Variants in BAZ2B observed in about 807,000 individuals in gnomAD.
The protein encoded by BAZ2B is bromodomain adjacent to zinc finger domain protein 2B.
A neutral mutation model predicts 246.0 loss-of-function variants in BAZ2B; 91 were observed. The observed-to-expected ratio is 0.37, with a 90% confidence interval of 0.31 to 0.44. The LOEUF (loss-of-function observed/expected upper bound fraction) is 0.44, where lower values mean the gene tolerates loss of function less well. BAZ2B is among the 20% of genes least tolerant of loss of function. The pLI, the probability that BAZ2B is intolerant of heterozygous loss-of-function variation, is 1.00. For synonymous variants in BAZ2B, 855 were observed against 860.0 expected (o/e 0.99, Z 0.10); for missense variants, 2,332 against 2,533.7 (o/e 0.92, Z 1.71).
intron 13 of BAZ2B, among the ~76,000 whole-genome samples, chr2:159,427,460 CA>C (rs908839055): frequency 4.0e-5 from 6 of 150,824 alleles, no homozygotes; most frequent in South Asian, 2.1e-4. Context: ...TAAGAAATGA[CA>C]AAAAAAAACT....
chr2:159,496,512 C>G (rs951987447), intron 2 of BAZ2B, among the ~76,000 whole-genome samples: 1 of 138,540 alleles, frequency 7.2e-6, no homozygotes, highest in South Asian at 2.3e-4. Flanking sequence ...AAGCCAGCCA[C>G]GGTGGCTCAT....
intron 36 of BAZ2B, 123 bp from the exon 37 acceptor site, chr2:159,320,541 T>C (rs1304894249): frequency 5.4e-6 from 4 of 747,180 alleles, no homozygotes; most frequent in African/African-American, 1.9e-5. Flanking sequence ...TTTAAATTGA[T>C]ATAAAATACA....
At chr2:159,657,322 T>G in the BAZ2B span, among the ~76,000 whole-genome samples, 1 of 152,210 alleles carries the variant, frequency 6.6e-6, no homozygotes, top group Non-Finnish European at 1.5e-5. Flanking sequence ...TTCTGTGTTC[T>G]GTATCAATTT....
chr2:159,525,870 G>C (rs759057506), intron 2 of BAZ2B, among the ~76,000 whole-genome samples: 12 of 152,152 alleles, frequency 7.9e-5, no homozygotes, highest in Non-Finnish European at 1.3e-4. Flanking sequence ...ACCACACTAA[G>C]TGTTTGATTT....
At chr2:159,463,140 T>C (rs2076614026) in intron 3 of BAZ2B, 8 of 647,710 alleles carry the variant, frequency 1.2e-5, no homozygotes, top group Admixed American at 6.7e-5. Context: ...CATTATTACA[T>C]AGTAGCCGAA....
At chr2:159,572,245 T>C (rs1578495884) in intron 1 of BAZ2B, among the ~76,000 whole-genome samples, 1 of 152,192 alleles carries the variant, frequency 6.6e-6, no homozygotes, top group East Asian at 1.9e-4. Context: ...AACTGATAAG[T>C]ATAGCACTTT....
chr2:159,705,015 T>G, the BAZ2B span, among the ~76,000 whole-genome samples: 80 of 149,664 alleles, frequency 5.3e-4, 1 homozygote, highest in Non-Finnish European at 2.4e-4. Flanking sequence ...CTTTTTTGGT[T>G]TGTTTTTTTT....
chr2:159,641,398 G>A, the BAZ2B span, among the ~76,000 whole-genome samples: 3 of 151,978 alleles, frequency 2.0e-5, no homozygotes, highest in Admixed American at 6.6e-5. Flanking sequence ...TCCTTTGCCC[G>A]CTTTTTAGTG....
At chr2:159,327,637 A>G (rs76846079) in intron 34 of BAZ2B, among the ~76,000 whole-genome samples, 6,753 of 152,324 alleles carry the variant, frequency 0.044, 286 homozygotes, top group East Asian at 0.13. Flanking sequence ...ATTTAATGAC[A>G]AGTTAGATTA....
intron 14 of BAZ2B, chr2:159,411,933 AT>A (rs1002328042): frequency 2.0e-6 from 2 of 985,250 alleles, no homozygotes; most frequent in African/African-American, 3.5e-5. Context: ...CTGACTGAAA[AT>A]TTACTCCACA....
intron 20 of BAZ2B, among the ~76,000 whole-genome samples, chr2:159,389,766 TTAAA>T (rs2063107200): frequency 6.6e-6 from 1 of 152,180 alleles, no homozygotes; most frequent in African/African-American, 2.4e-5. Flanking sequence ...ACATATCTTA[TTAAA>T]TAAAGTTATT....
intron 1 of BAZ2B, among the ~76,000 whole-genome samples, chr2:159,612,549 C>T (rs78786041): frequency 3.3e-5 from 5 of 152,038 alleles, no homozygotes; most frequent in Non-Finnish European, 7.4e-5. Context: ...ACCTTTAAAC[C>T]TAAAAGTAAT....
At chr2:159,428,507 C>A in intron 11 of BAZ2B, 88 bp from the exon 12 acceptor site, 1 of 888,874 alleles carries the variant, frequency 1.1e-6, no homozygotes, top group Non-Finnish European at 1.7e-6. Flanking sequence ...TACATGTTCT[C>A]TAGAAAACAT....
chr2:159,595,545 A>AT (rs1690495950), intron 1 of BAZ2B, among the ~76,000 whole-genome samples: 1 of 152,208 alleles, frequency 6.6e-6, no homozygotes, highest in Admixed American at 6.5e-5. Context: ...GTCTGCTAAA[A>AT]TGCTGGTATA....
At chr2:159,469,273 T>C (rs1159964623) in intron 3 of BAZ2B, among the ~76,000 whole-genome samples, 2 of 152,010 alleles carry the variant, frequency 1.3e-5, no homozygotes, top group Non-Finnish European at 2.9e-5. Context: ...CTACCAATCA[T>C]ACAGACATTA....
the BAZ2B span, chr2:159,690,031 G>A: frequency 2.4e-6 from 1 of 419,296 alleles, no homozygotes; most frequent in South Asian, 3.3e-5. Flanking sequence ...CATGGAAGTT[G>A]GGCAGTTTTT....
In BAZ2B at chr2:159,394,723, A is replaced by G. The variant is rs141067099; in HGVS notation, c.3075+1046T>C. Reference sequence around the variant, plus strand: ...CCAGGCACTGTTCCAAGAACTTTACATACACAGAGACACATATCCATTTAC... The same window carrying G: ...CCAGGCACTGTTCCAAGAACTTTACGTACACAGAGACACATATCCATTTAC... On this transcript the variant is annotated intron_variant, in intron 20 of 36. Coordinates refer to ENST00000392783, the MANE Select transcript of BAZ2B (RefSeq NM_013450.4). 2.4e-3 allele frequency among the ~76,000 whole-genome samples: 367 copies of G among 152,312 alleles called. 1 individual carries two copies. The highest frequency in any genetic ancestry group is 8.4e-3 in the African/African-American group (351 of 41,576).
chr2:159,486,559 C>A (rs2079852203), intron 2 of BAZ2B, among the ~76,000 whole-genome samples: 1 of 150,686 alleles, frequency 6.6e-6, no homozygotes, highest in East Asian at 1.9e-4. Context: ...GTTGTGAATA[C>A]CGTGAAAAAA....
At chr2:159,331,671 C>T (rs1353166219) in intron 34 of BAZ2B, among the ~76,000 whole-genome samples, 1 of 152,166 alleles carries the variant, frequency 6.6e-6, no homozygotes, top group African/African-American at 2.4e-5. Flanking sequence ...GCCAACATAC[C>T]CAGGCCTTAA....
Sources: allele counts gnomAD v4.1 joint callset (sites outside exome capture counted in the v4.1 genomes callset), GRCh38; gene constraint gnomAD v4.1.1; transcripts MANE v1.5; gene names NCBI Gene and HGNC (gene_info 2026-07-23, HGNC 2026-07-21).